Variants in TULP4 observed in about 807,000 individuals in gnomAD.
TULP4 encodes the protein tubby-related protein 4.
A neutral mutation model predicts 129.0 loss-of-function variants in TULP4; 16 were observed. The ratio of observed to expected loss-of-function variants is 0.12; its 90% confidence interval spans 0.08 to 0.19. TULP4 has a LOEUF of 0.19. TULP4 is among the 10% of genes least tolerant of loss of function. TULP4 has a pLI of 1.00. For synonymous variants in TULP4, 998 were observed against 854.0 expected (o/e 1.17, Z -2.94); for missense variants, 1,842 against 2,059.1 (o/e 0.89, Z 2.04).
upstream of TULP4, among the ~76,000 whole-genome samples, chr6:158,278,693 G>GT (rs1358755993): frequency 2.6e-5 from 4 of 152,132 alleles, no homozygotes; most frequent in African/African-American, 9.6e-5. Flanking sequence ...AGTTTATTTT[G>GT]TTTTTTAATA....
intron 1 of TULP4, among the ~76,000 whole-genome samples, chr6:158,257,316 T>C (rs999179570): frequency 3.2e-4 from 48 of 152,192 alleles, no homozygotes; most frequent in African/African-American, 1.2e-3. Flanking sequence ...ATGTTATTTA[T>C]ACGGCTGTCA....
chr6:158,393,906 A>T (rs1413021160), intron 1 of TULP4, among the ~76,000 whole-genome samples: 1 of 152,176 alleles, frequency 6.6e-6, no homozygotes, highest in Non-Finnish European at 1.5e-5. Flanking sequence ...TGGCAGCTTG[A>T]ATTTCTCCCC....
At chr6:158,340,947 G>A (rs528017580) in intron 1 of TULP4, among the ~76,000 whole-genome samples, 3 of 152,068 alleles carry the variant, frequency 2.0e-5, no homozygotes, top group Admixed American at 6.6e-5. Flanking sequence ...CTGTTTTTTT[G>A]TGTGTGTTTT....
At chr6:158,395,738 G>T (rs935709903) in intron 1 of TULP4, among the ~76,000 whole-genome samples, 1 of 151,074 alleles carries the variant, frequency 6.6e-6, no homozygotes, top group Non-Finnish European at 1.5e-5. Context: ...GAAGCCAAGA[G>T]TGGGAACATG....
chr6:158,503,010 T>G lies in TULP4; in HGVS notation c.3347T>G (p.Leu1116Arg), dbSNP rs2128264411. ...HPPLPEAAVTLKRPPPYQWDP... is the reference protein window; with the variant it reads ...HPPLPEAAVTRKRPPPYQWDP... ...CCCCTGCCTGAAGCTGCTGTCACCC[T>G]GAAACGGCCACCCCCTTACCAGTGG... The change falls in exon 13 of 14, where the codon CTG becomes CGG. Residue 1116 changes from leucine (L) to arginine (R), a missense_variant. Physicochemically the swap from Leu to Arg is moderately radical, Grantham distance 102 (BLOSUM62 -2). This residue lies in a region of TULP4 where 1,089 missense variants were observed against 987.1 expected (regional missense o/e 1.10). Transcript: ENST00000367097. The surrounding 1 kb of genome is among the most constrained non-coding windows in gnomAD (Gnocchi z 4.3). 1.9e-6 allele frequency: 3 copies of G among 1,614,092 alleles called. No individual in the cohort carries two copies. In the East Asian group the frequency reaches 6.7e-5, roughly 36 times the overall value.
rs115498540 is a variant in TULP4, at chr6:158,288,983, G to A, written n.116+6605G>A. On this transcript the variant is annotated intron_variant and non_coding_transcript_variant, in intron 1 of 1. Transcript: ENST00000432358. ...TTATCACTTTTTAAATATTCTGATT[G>A]AGTTTGTGTAATACTGCTGTAGGCT... Among the ~76,000 whole-genome samples, 937 of 152,214 alleles carry A rather than the reference G, an allele frequency of 6.2e-3. 8 individuals are homozygous for A. Among genetic ancestry groups the A allele is most frequent in the African/African-American group, 0.021 (881 of 41,524 alleles).
At chr6:158,387,280 G>A (rs187566486) in intron 1 of TULP4, among the ~76,000 whole-genome samples, 1 of 152,208 alleles carries the variant, frequency 6.6e-6, no homozygotes, top group African/African-American at 2.4e-5. Context: ...ACTGGTAGAG[G>A]CCTTAAGTAT....
rs1457924734 is a variant in TULP4 at position 158,510,265 on chromosome 6, T to A, written c.*3571T>A. The stretch of plus-strand genomic sequence containing the variant: ...GTTTTTATCCATAGCCATTGCTCCC[T>A]TGTCAAGTGTCTCACAAGGACATGG... On this transcript the variant is annotated 3_prime_UTR_variant, in exon 14 of 14. Coordinates refer to ENST00000367097, the MANE Select transcript of TULP4 (RefSeq NM_020245.5). 6.6e-6 allele frequency: 1 copy of A among 152,516 alleles called. No homozygotes were observed. The highest frequency in any genetic ancestry group is 1.5e-5 in the Non-Finnish European group (1 of 68,052). 9.4% of individuals were successfully genotyped at this position (152,516 alleles called of 1,614,324 possible).
In TULP4 at chr6:158,502,837, C is replaced by T. The variant is rs371446318; in HGVS notation, c.3174C>T (p.Ser1058=). Residue 1058 remains serine (S), a synonymous_variant, in exon 13 of 14, where the codon AGC becomes AGT. Coordinates refer to ENST00000367097, the MANE Select transcript of TULP4 (RefSeq NM_020245.5). ...GAGCCTCCCTGGCCCATACCGCCAGCGCCTCCCCGTTGGCCTCCCAGTCCT... is the reference window on the plus strand; with the variant it reads ...GAGCCTCCCTGGCCCATACCGCCAGTGCCTCCCCGTTGGCCTCCCAGTCCT... ...QPGASLAHTA[S]ASPLASQSSY... is the part of the protein sequence containing the mutation. 1.4e-4 allele frequency: 220 copies of T among 1,613,070 alleles called. No homozygotes were observed. Among genetic ancestry groups the T allele is most frequent in the Admixed American group, 5.8e-4 (35 of 59,988 alleles).
chr6:158,300,587 A>G (rs1157464530), intron 1 of TULP4, among the ~76,000 whole-genome samples: 4 of 152,204 alleles, frequency 2.6e-5, no homozygotes, highest in African/African-American at 4.8e-5. Context: ...ATCCAGGGGC[A>G]TTGTCTGTCT....
upstream of TULP4, among the ~76,000 whole-genome samples, chr6:158,308,752 G>A (rs1251720272): frequency 1.2e-4 from 17 of 142,464 alleles, no homozygotes; most frequent in African/African-American, 3.7e-4. Flanking sequence ...CTGGCCGGGC[G>A]GGGGGCTGAC....
At chr6:158,475,579 G>A (rs749233953) in intron 6 of TULP4, among the ~76,000 whole-genome samples, 4 of 152,224 alleles carry the variant, frequency 2.6e-5, no homozygotes, top group Non-Finnish European at 5.9e-5. Flanking sequence ...GCTTTGAAGA[G>A]CTGTGCTGTT....
At chr6:158,370,483 A>T (rs776890518) in intron 1 of TULP4, among the ~76,000 whole-genome samples, 1,638 of 148,938 alleles carry the variant, frequency 0.011, 18 homozygotes, top group Non-Finnish European at 0.017. Flanking sequence ...AAAAAAAAAA[A>T]GATTGTGGCA....
At chr6:158,469,084 A>C (rs1176425025) in intron 6 of TULP4, among the ~76,000 whole-genome samples, 1 of 152,078 alleles carries the variant, frequency 6.6e-6, no homozygotes, top group Non-Finnish European at 1.5e-5. Context: ...TGAGCAAGGG[A>C]GAGGTGAGAC....
intron 2 of TULP4, among the ~76,000 whole-genome samples, chr6:158,418,242 G>A (rs753004303): frequency 6.6e-6 from 1 of 151,770 alleles, no homozygotes; most frequent in Non-Finnish European, 1.5e-5. Context: ...AAGTAGCTGG[G>A]ATTACAGGCA....
At chr6:158,292,036 T>C (rs763133361) in intron 1 of TULP4, among the ~76,000 whole-genome samples, 1 of 152,256 alleles carries the variant, frequency 6.6e-6, no homozygotes, top group Non-Finnish European at 1.5e-5. Flanking sequence ...TTTTTAATTG[T>C]AAACAGATTT....
rs1780253321 is a variant in TULP4 at position 158,493,155 on chromosome 6, A to G, written c.1632-418A>G. Among the ~76,000 whole-genome samples, 1 of 152,160 alleles carries G rather than the reference A, an allele frequency of 6.6e-6. No individual in the cohort carries two copies. Among genetic ancestry groups the G allele is most frequent in the Non-Finnish European group, 1.5e-5 (1 of 68,024 alleles). ...AGTTAATTCTTTGAGTTCCTTACAA[A>G]TGGATCGCTGGATCTCATTTCAGTG... On this transcript the variant is annotated intron_variant, in intron 9 of 13. Transcript: ENST00000367097. This position sits in a 1 kb window ranked among gnomAD's most constrained non-coding sequence, Gnocchi z 4.4.
intron 5 of TULP4, among the ~76,000 whole-genome samples, chr6:158,456,685 T>G (rs752075088): frequency 2.6e-5 from 4 of 152,062 alleles, no homozygotes; most frequent in Admixed American, 6.6e-5. Context: ...ACAACAAAAA[T>G]TAGCCAGGCA....
intron 1 of TULP4, among the ~76,000 whole-genome samples, chr6:158,266,948 C>T (rs982121907): frequency 6.6e-6 from 1 of 152,184 alleles, no homozygotes; most frequent in Non-Finnish European, 1.5e-5. Context: ...AAACTCTGTG[C>T]CCATCAAACA....
Sources: allele counts gnomAD v4.1 joint callset (sites outside exome capture counted in the v4.1 genomes callset), GRCh38; gene constraint gnomAD v4.1.1; regional missense constraint gnomAD v4.1.1; non-coding constraint Gnocchi (gnomAD v3.1); transcripts MANE v1.5; gene names NCBI Gene and HGNC (gene_info 2026-07-23, HGNC 2026-07-21).